The following JCAD variants were observed in gnomAD, a reference collection of about 807,000 sequenced individuals.
The protein encoded by JCAD is junctional cadherin 5 associated, also known as junctional cadherin 5-associated protein.
In JCAD, 40 loss-of-function variants were observed where a neutral mutation model predicts 98.0. The ratio of observed to expected loss-of-function variants is 0.41; its 90% CI spans 0.32 to 0.53. The LOEUF (loss-of-function observed/expected upper bound fraction) is 0.53. Among genes scored for constraint, JCAD ranks in the 20% least tolerant of loss-of-function variants. The pLI, the probability that JCAD is intolerant of heterozygous loss-of-function variation, is 0.31. For synonymous variants in JCAD, 691 were observed against 682.3 expected, an observed-to-expected ratio of 1.01 and a Z score of -0.20; for missense variants, 1,705 against 1,738.1, an observed-to-expected ratio of 0.98 and a Z score of 0.34.
In JCAD at chr10:30,066,184, G is replaced by A. The variant is rs560580445; in HGVS notation, n.250+3516C>T. On this transcript the variant is annotated intron_variant and non_coding_transcript_variant, in intron 2 of 2. Transcript: ENST00000465712. ...CCTTCACTAATCAAGTGCATTAGAT[G>A]TTTACTGTTGGCTTAGAAGATTTGA... 5.9e-5 allele frequency among the ~76,000 whole-genome samples: 9 copies of A among 152,326 alleles called. No individual in the cohort carries two copies. The South Asian group carries it at 1.5e-3, about 25-fold the overall frequency.
intron 1 of JCAD, among the ~76,000 whole-genome samples, chr10:30,100,902 C>T (rs551656184): frequency 6.6e-6 from 1 of 152,148 alleles, no homozygotes; most frequent in African/African-American, 2.4e-5. Flanking sequence ...ATTGGTTCAG[C>T]CAGAGAAGTG....
At chr10:30,045,769 T>A (rs142311697) in intron 2 of JCAD, among the ~76,000 whole-genome samples, 1 of 152,200 alleles carries the variant, frequency 6.6e-6, no homozygotes, top group Non-Finnish European at 1.5e-5. Flanking sequence ...TCATTGTGAT[T>A]TTCCCCCCTG....
At chr10:30,110,823 C>T (rs772547118) in intron 1 of JCAD, among the ~76,000 whole-genome samples, 3 of 151,992 alleles carry the variant, frequency 2.0e-5, no homozygotes, top group African/African-American at 7.3e-5. Flanking sequence ...GATGTATGCA[C>T]CCACTCAGGT....
rs575042167 is a variant in JCAD at position 30,112,996 on chromosome 10, TGCTCTA to T, written n.128+2365_128+2370del. On this transcript the variant is annotated intron_variant and non_coding_transcript_variant, in intron 1 of 2. Coordinates refer to the JCAD transcript ENST00000465712. ...AGGGTTTCCTTTCTGGGTGATGAAA[TGCTCTA>T]GATCTAGACAGTGGCAATGGTTGCA... is the stretch of plus-strand genomic sequence containing the variant. 1.3e-3 allele frequency among the ~76,000 whole-genome samples: 192 copies of T among 152,022 alleles called. 2 individuals carry two copies. The Middle Eastern group carries it at 0.021, about 16-fold the overall frequency.
chr10:30,033,893 A>G (rs1837054770), intron 2 of JCAD, among the ~76,000 whole-genome samples: 1 of 152,152 alleles, frequency 6.6e-6, no homozygotes, highest in Non-Finnish European at 1.5e-5. Flanking sequence ...TTTTGGAATT[A>G]CCTCTTTGCC....
At chr10:30,024,665 G>A (rs1327428168) in intron 3 of JCAD, among the ~76,000 whole-genome samples, 2 of 151,640 alleles carry the variant, frequency 1.3e-5, no homozygotes, top group African/African-American at 4.8e-5. Context: ...GTATTTGGGG[G>A]AAACTTGAGA....
Position 30,017,759 on chromosome 10 carries a change from T to A in JCAD, c.*124A>T. On this transcript the variant is annotated 3_prime_UTR_variant, in exon 4 of 4. Transcript: ENST00000375377. ...CTAGTGGCAGTGGTAAAGAATGTTA[T>A]CAGGATGCTAAAAACTCAGCAGCTT... 1 of 838,450 alleles carries A rather than the reference T, an allele frequency of 1.2e-6. No individual in the cohort carries two copies. The highest frequency in any genetic ancestry group is 2.0e-6 in the Non-Finnish European group (1 of 494,992). 51.9% of individuals were successfully genotyped at this position (838,450 alleles called of 1,614,324 possible). A position where few individuals can be genotyped will look rare whatever the true frequency, so the allele number is the denominator to read the frequency against.
chr10:30,027,570 C>CACTGCT lies in JCAD; in HGVS notation c.2572_2577dup (p.Ser858_Ser859dup). On this transcript the variant is annotated inframe_insertion, in exon 3 of 4. Coordinates refer to ENST00000375377, the MANE Select transcript of JCAD (RefSeq NM_020848.4). ...TGCTGCGGCTCCGCCTCACTCTCCTCACTGCTGCTGCTGCTGCTGCTGCTG... is the reference window on the plus strand; with the variant it reads ...TGCTGCGGCTCCGCCTCACTCTCCTCACTGCTACTGCTGCTGCTGCTGCTGCTGCTG... 1.2e-6 allele frequency: 2 copies of CACTGCT among 1,613,462 alleles called. No homozygotes were observed. The highest frequency in any genetic ancestry group is 1.3e-5 in the African/African-American group (1 of 74,760).
chr10:30,088,213 G>A (rs1258355172), intron 1 of JCAD, among the ~76,000 whole-genome samples: 1 of 152,228 alleles, frequency 6.6e-6, no homozygotes, highest in Non-Finnish European at 1.5e-5. Flanking sequence ...TAGGCTGAGT[G>A]TGAAAATTAG....
intron 1 of JCAD, among the ~76,000 whole-genome samples, chr10:30,058,310 G>A (rs998549260): frequency 6.6e-6 from 1 of 152,164 alleles, no homozygotes; most frequent in Non-Finnish European, 1.5e-5. Context: ...CCAAGACTAA[G>A]ACCAAGCTAC....
intron 1 of JCAD, among the ~76,000 whole-genome samples, chr10:30,106,769 G>A (rs1487190096): frequency 2.0e-5 from 3 of 152,160 alleles, no homozygotes; most frequent in Non-Finnish European, 2.9e-5. Flanking sequence ...CTAAAGTGCT[G>A]GGATTACAGG....
chr10:30,029,682 C>A lies in JCAD; in HGVS notation c.466G>T (p.Val156Phe), dbSNP rs752795218. 6.2e-7 allele frequency: 1 copy of A among 1,614,260 alleles called. No individual in the cohort carries two copies. Among genetic ancestry groups the A allele is most frequent in the Non-Finnish European group, 8.5e-7 (1 of 1,180,052 alleles). The stretch of plus-strand genomic sequence containing the variant: ...ATCACATGCTCTGACCTTCCTCCAA[C>A]TTCCCATGGACCCTCCCTCACGTGG... Reference protein sequence around the residue: ...PVHVREGPWEVGGRSEHVMKK... With the variant: ...PVHVREGPWEFGGRSEHVMKK... The change falls in exon 3 of 4, where the codon GTT becomes TTT. Residue 156 changes from valine (V) to phenylalanine (F), a missense_variant. Around this residue, in one of 3 missense-constraint regions of JCAD, gnomAD observed 275 missense variants for 346.9 expected, o/e 0.79. Transcript: ENST00000375377.
chr10:30,076,703 A>ATATATATT (rs1490758802), intron 1 of JCAD, among the ~76,000 whole-genome samples: 4 of 152,326 alleles, frequency 2.6e-5, no homozygotes, highest in Non-Finnish European at 5.9e-5. Flanking sequence ...ACATGTGGGT[A>ATATATATT]TATAGCATTG....
chr10:30,088,359 ACACAC>A (rs1201186969), intron 1 of JCAD, among the ~76,000 whole-genome samples: 1 of 152,112 alleles, frequency 6.6e-6, no homozygotes, highest in African/African-American at 2.4e-5. Context: ...GAGTTCCAGA[ACACAC>A]CCCTGTTCCC....
chr10:30,114,297 A>G (rs1246228533), intron 1 of JCAD, among the ~76,000 whole-genome samples: 1 of 152,194 alleles, frequency 6.6e-6, no homozygotes, highest in Non-Finnish European at 1.5e-5. Context: ...GGTGATATTT[A>G]TCTTCTTTGA....
intron 1 of JCAD, among the ~76,000 whole-genome samples, chr10:30,081,652 G>A (rs1363318483): frequency 2.0e-5 from 3 of 152,052 alleles, no homozygotes; most frequent in African/African-American, 4.8e-5. Flanking sequence ...GGCTGGTCTC[G>A]AACTCTTGGC....
At chr10:30,033,191 T>G (rs1837037898) in intron 2 of JCAD, among the ~76,000 whole-genome samples, 2 of 152,246 alleles carry the variant, frequency 1.3e-5, no homozygotes, top group Admixed American at 1.3e-4. Flanking sequence ...AAACGCTCAA[T>G]TAACCCTGCA....
rs540904354 is a variant in JCAD at position 30,105,817 on chromosome 10, T to C, written n.128+9550A>G. ...ATCATCTGCTATGATAAATTAGCATTGACATTAATTGACACGACTGCTTTT... is the reference window on the plus strand; with the variant it reads ...ATCATCTGCTATGATAAATTAGCATCGACATTAATTGACACGACTGCTTTT... On this transcript the variant is annotated intron_variant and non_coding_transcript_variant, in intron 1 of 2. Transcript: ENST00000465712. 6.6e-5 allele frequency among the ~76,000 whole-genome samples: 10 copies of C among 152,364 alleles called. No homozygotes were observed. The South Asian group carries it at 2.1e-3, about 32-fold the overall frequency.
intron 2 of JCAD, among the ~76,000 whole-genome samples, chr10:30,067,900 G>C (rs971690426): frequency 2.6e-5 from 4 of 152,148 alleles, no homozygotes; most frequent in Non-Finnish European, 5.9e-5. Context: ...ATTACTCCTA[G>C]GCCGCAAACC....
Sources: gnomAD v4.1 joint callset for allele counts (sites outside exome capture counted in the v4.1 genomes callset) on GRCh38, gnomAD v4.1.1 for gene constraint, gnomAD v4.1.1 regional missense constraint, MANE v1.5 for transcripts, NCBI Gene and HGNC (gene_info 2026-07-23, HGNC 2026-07-21) for gene names.